Variants in TENM2 observed in about 807,000 individuals in gnomAD.
The protein encoded by TENM2 is teneurin-2.
Under a neutral mutation model 245.2 loss-of-function variants are expected in TENM2, and 52 were observed. That is an observed-to-expected ratio of 0.21 (90% CI 0.17 to 0.27). The LOEUF is 0.27. Among genes scored for constraint, TENM2 ranks in the 10% least tolerant of loss-of-function variants. The pLI is 1.00. For synonymous variants in TENM2, 1,363 were observed against 1,438.9 expected, an observed-to-expected ratio of 0.95 and a Z score of 1.19; for missense variants, 3,046 against 3,666.8, an observed-to-expected ratio of 0.83 and a Z score of 4.37.
intron 2 of TENM2, among the ~76,000 whole-genome samples, chr5:167,661,541 G>C (rs1232899565): frequency 1.3e-5 from 2 of 152,158 alleles, no homozygotes; most frequent in Non-Finnish European, 2.9e-5. Context: ...GAAAGGGATT[G>C]CCAAGTTAAT....
At chr5:168,074,015 A>G (rs575966816) in intron 7 of TENM2, among the ~76,000 whole-genome samples, 7 of 152,282 alleles carry the variant, frequency 4.6e-5, no homozygotes, top group South Asian at 2.1e-4. Context: ...TCGTTCACCT[A>G]TCAGGAAATG....
intron 23 of TENM2, among the ~76,000 whole-genome samples, chr5:168,221,589 C>T (rs1405046497): frequency 6.6e-6 from 1 of 152,170 alleles, no homozygotes. Context: ...ACTCTGGAAG[C>T]AGGAGAGAGA....
chr5:168,058,877 T>C (rs537933557), intron 6 of TENM2, among the ~76,000 whole-genome samples: 1 of 152,252 alleles, frequency 6.6e-6, no homozygotes, highest in South Asian at 2.1e-4. Context: ...TGCTTCTACT[T>C]GTTACACCCT....
the TENM2 span, among the ~76,000 whole-genome samples, chr5:167,048,976 T>C: frequency 3.3e-5 from 5 of 152,086 alleles, no homozygotes; most frequent in African/African-American, 1.2e-4. Context: ...CAGCAGGTAC[T>C]GGGAGAACAG....
At chr5:167,613,903 C>T (rs1301484888) in intron 2 of TENM2, among the ~76,000 whole-genome samples, 2 of 147,982 alleles carry the variant, frequency 1.4e-5, no homozygotes, top group Non-Finnish European at 2.9e-5. Context: ...TTATATTTCT[C>T]TAAGTTAAAA....
At chr5:167,577,413 G>A (rs970240168) in intron 2 of TENM2, among the ~76,000 whole-genome samples, 2 of 152,026 alleles carry the variant, frequency 1.3e-5, no homozygotes, top group Non-Finnish European at 1.5e-5. Context: ...TCCTTCCTGA[G>A]GTGTGAAATG....
chr5:167,207,414 CA>C, the TENM2 span, among the ~76,000 whole-genome samples: 12 of 152,308 alleles, frequency 7.9e-5, no homozygotes, highest in South Asian at 2.5e-3. Context: ...GATTTTAAAG[CA>C]AGTTGGAAAT....
At chr5:167,038,040 G>T in the TENM2 span, among the ~76,000 whole-genome samples, 2 of 152,240 alleles carry the variant, frequency 1.3e-5, no homozygotes, top group Non-Finnish European at 2.9e-5. Context: ...AGACCTCCTG[G>T]AAGGCAGAAC....
At chr5:167,312,317 C>A (rs1385185039) in intron 1 of TENM2, among the ~76,000 whole-genome samples, 2 of 152,236 alleles carry the variant, frequency 1.3e-5, no homozygotes, top group East Asian at 3.9e-4. Flanking sequence ...GTGTTTTAAT[C>A]AGGTGACCAT....
At chr5:167,260,601 A>G in the TENM2 span, among the ~76,000 whole-genome samples, 1 of 152,302 alleles carries the variant, frequency 6.6e-6, no homozygotes, top group South Asian at 2.1e-4. Flanking sequence ...CTTTTGAATC[A>G]TTTCATTATC....
chr5:167,587,456 A>G (rs1408367757), intron 2 of TENM2, among the ~76,000 whole-genome samples: 1 of 152,144 alleles, frequency 6.6e-6, no homozygotes, highest in Non-Finnish European at 1.5e-5. Context: ...GATCATTTAT[A>G]AGGCCTTTTG....
intron 2 of TENM2, among the ~76,000 whole-genome samples, chr5:167,592,026 T>C (rs1189892965): frequency 2.0e-5 from 3 of 152,166 alleles, no homozygotes; most frequent in African/African-American, 7.2e-5. Flanking sequence ...AGGAGGTGGG[T>C]ATTCCATGCC....
intron 1 of TENM2, among the ~76,000 whole-genome samples, chr5:167,346,319 G>A (rs1248284225): frequency 6.6e-6 from 1 of 152,094 alleles, no homozygotes. Flanking sequence ...TTTTTTATCA[G>A]CATGAGATAG....
At chr5:167,156,142 C>T in the TENM2 span, among the ~76,000 whole-genome samples, 2 of 152,148 alleles carry the variant, frequency 1.3e-5, no homozygotes, top group African/African-American at 4.8e-5. Context: ...GGGATGCCTA[C>T]AGAGGAAAAT....
chr5:167,801,661 A>G (rs1765786045), intron 2 of TENM2, among the ~76,000 whole-genome samples: 1 of 152,100 alleles, frequency 6.6e-6, no homozygotes, highest in Non-Finnish European at 1.5e-5. Flanking sequence ...GCAGGTTAGA[A>G]CCAAACATTG....
intron 2 of TENM2, among the ~76,000 whole-genome samples, chr5:167,589,065 A>G (rs567632667): frequency 4.0e-4 from 61 of 152,180 alleles, no homozygotes; most frequent in East Asian, 1.4e-3. Flanking sequence ...AGCTGGGTCT[A>G]TTGGCACACA....
At chr5:167,350,585 G>T (rs1758777374) in intron 1 of TENM2, among the ~76,000 whole-genome samples, 1 of 136,408 alleles carries the variant, frequency 7.3e-6, no homozygotes, top group Admixed American at 7.8e-5. Context: ...ATATATATGG[G>T]ATATATATAT....
At chr5:167,104,493 C>T in the TENM2 span, among the ~76,000 whole-genome samples, 1 of 152,278 alleles carries the variant, frequency 6.6e-6, no homozygotes, top group Non-Finnish European at 1.5e-5. Flanking sequence ...GAATTACCAA[C>T]ATTAAACAGA....
At chr5:168,083,746 A>C (rs560441181) in intron 7 of TENM2, among the ~76,000 whole-genome samples, 8 of 152,126 alleles carry the variant, frequency 5.3e-5, no homozygotes. Flanking sequence ...TAAAAAAATA[A>C]TTTCAGCTTT....
Sources: allele counts gnomAD v4.1 joint callset (sites outside exome capture counted in the v4.1 genomes callset), GRCh38; gene constraint gnomAD v4.1.1; transcripts MANE v1.5; gene names NCBI Gene and HGNC (gene_info 2026-07-23, HGNC 2026-07-21).